The following RAB3C variants were observed in gnomAD, a reference collection of about 807,000 sequenced individuals.
The protein encoded by RAB3C is RAB3C, member RAS oncogene family.
In RAB3C, 17 loss-of-function variants were observed where a neutral mutation model predicts 26.4. The observed-to-expected ratio is 0.64, with a 90% confidence interval of 0.44 to 0.97. RAB3C has a LOEUF of 0.97. RAB3C is among the 50% of genes least tolerant of loss of function. The pLI is 0.00. For synonymous variants in RAB3C, 91 were observed against 95.9 expected (o/e 0.95, Z 0.30); for missense variants, 242 against 281.9 (o/e 0.86, Z 1.01).
chr5:58,599,085 G>T (rs901353137), intron 1 of RAB3C, among the ~76,000 whole-genome samples: 1 of 152,116 alleles, frequency 6.6e-6, no homozygotes, highest in Non-Finnish European at 1.5e-5. Flanking sequence ...ATGTTCATGA[G>T]TAGCAAAGGA....
intron 2 of RAB3C, among the ~76,000 whole-genome samples, chr5:58,641,233 C>T (rs1178529727): frequency 1.3e-5 from 2 of 152,102 alleles, no homozygotes; most frequent in Non-Finnish European, 2.9e-5. Context: ...CAATAGAATG[C>T]GTAGAGTCTC....
intron 2 of RAB3C, among the ~76,000 whole-genome samples, chr5:58,689,792 A>C (rs543485360): frequency 1.3e-5 from 2 of 152,256 alleles, no homozygotes; most frequent in South Asian, 4.1e-4. Context: ...ACTTCTCCTC[A>C]AAGCCCTGAG....
At chr5:58,621,092 C>T (rs1471209728) in intron 2 of RAB3C, among the ~76,000 whole-genome samples, 7 of 152,188 alleles carry the variant, frequency 4.6e-5, no homozygotes, top group Non-Finnish European at 1.0e-4. Flanking sequence ...CAGTGAACTG[C>T]TCTTCCCAAC....
intron 4 of RAB3C, among the ~76,000 whole-genome samples, chr5:58,843,222 A>G (rs1326050324): frequency 6.6e-6 from 1 of 152,230 alleles, no homozygotes; most frequent in Non-Finnish European, 1.5e-5. Context: ...TGATATCACA[A>G]TGAAATTTCA....
chr5:58,663,794 C>A (rs1253607701), intron 2 of RAB3C, among the ~76,000 whole-genome samples: 1 of 152,062 alleles, frequency 6.6e-6, no homozygotes, highest in African/African-American at 2.4e-5. Context: ...CGGCAAAAAG[C>A]TGAAAATGAT....
chr5:58,719,286 T>C (rs1202892809), intron 2 of RAB3C, among the ~76,000 whole-genome samples: 2 of 152,086 alleles, frequency 1.3e-5, no homozygotes, highest in African/African-American at 4.8e-5. Context: ...ACCAACTTTT[T>C]TGAAGAGTTT....
chr5:58,749,689 C>T (rs1741481090), intron 3 of RAB3C, among the ~76,000 whole-genome samples: 2 of 152,074 alleles, frequency 1.3e-5, no homozygotes, highest in South Asian at 4.1e-4. Flanking sequence ...AATGGTTTGT[C>T]ATATTAAAAT....
At chr5:58,786,577 T>A (rs995482896) in intron 3 of RAB3C, among the ~76,000 whole-genome samples, 3 of 152,086 alleles carry the variant, frequency 2.0e-5, no homozygotes, top group Non-Finnish European at 4.4e-5. Context: ...TCTGTGTATA[T>A]CTCTATGAAT....
intron 3 of RAB3C, among the ~76,000 whole-genome samples, chr5:58,731,701 T>G (rs992078690): frequency 1.2e-4 from 18 of 152,286 alleles, no homozygotes; most frequent in African/African-American, 4.3e-4. Flanking sequence ...TTATGAATAA[T>G]GCATCTCAGG....
At chr5:58,618,623 A>T (rs577014645) in intron 2 of RAB3C, among the ~76,000 whole-genome samples, 2 of 149,404 alleles carry the variant, frequency 1.3e-5, no homozygotes, top group Admixed American at 1.4e-4. Context: ...AGGAAAATCT[A>T]TGTGGATAGC....
intron 4 of RAB3C, among the ~76,000 whole-genome samples, chr5:58,847,490 T>C (rs114270277): frequency 2.6e-3 from 392 of 152,278 alleles, no homozygotes; most frequent in African/African-American, 9.1e-3. Flanking sequence ...TGAGAACTGA[T>C]CTCAAAATAC....
intron 1 of RAB3C, among the ~76,000 whole-genome samples, chr5:58,586,979 A>G (rs1199165308): frequency 6.6e-6 from 1 of 152,156 alleles, no homozygotes; most frequent in Non-Finnish European, 1.5e-5. Context: ...TCATCCCTCT[A>G]TCTTTCTGAG....
In RAB3C at chr5:58,678,289, C is replaced by T. The variant is rs192745561; in HGVS notation, c.253-47713C>T. ...AATGAAACTTATGTAGGTCCATGTT[C>T]GGTATTTGATAACACATAGATATGT... On this transcript the variant is annotated intron_variant, in intron 2 of 4. Coordinates refer to ENST00000282878, the MANE Select transcript of RAB3C (RefSeq NM_138453.4). 1.2e-4 allele frequency among the ~76,000 whole-genome samples: 19 copies of T among 152,028 alleles called. No individual in the cohort carries two copies. The East Asian group carries it at 2.1e-3, about 17-fold the overall frequency.
intron 4 of RAB3C, chr5:58,848,485 T>C (rs1198229877): frequency 6.6e-6 from 1 of 152,246 alleles, no homozygotes; most frequent in Non-Finnish European, 1.5e-5. Flanking sequence ...CTTTGCCATT[T>C]ACTAGCTGAG....
At position 58,635,318 on chromosome 5, in the gene RAB3C, G is replaced by C. The variant is rs1020572176; in HGVS notation, c.252+17448G>C. On this transcript the variant is annotated intron_variant, in intron 2 of 4. Transcript: ENST00000282878. ...TTGTCAAACATGGGAAGTTACATGG[G>C]GAGGTTGCTGTCCATTCTTAATGGG... Among the ~76,000 whole-genome samples, 3 of 152,188 alleles carry C rather than the reference G, an allele frequency of 2.0e-5. No homozygotes were observed. In the East Asian group the frequency reaches 5.8e-4, roughly 29 times the overall value.
At chr5:58,637,822 T>C (rs1480220666) in intron 2 of RAB3C, among the ~76,000 whole-genome samples, 1 of 152,166 alleles carries the variant, frequency 6.6e-6, no homozygotes, top group Non-Finnish European at 1.5e-5. Flanking sequence ...AGCTTTCCGA[T>C]TTTTCCCTAT....
In RAB3C at chr5:58,851,423, G is replaced by A. The variant is rs1744112874; in HGVS notation, c.*72G>A. On this transcript the variant is annotated 3_prime_UTR_variant, in exon 5 of 5. Coordinates refer to ENST00000282878, the MANE Select transcript of RAB3C (RefSeq NM_138453.4). ...AACAGCATTTGTAAATGGTCTATTA[G>A]CCTTCATTTATACTGCCTAACAATT... 3.2e-6 allele frequency: 4 copies of A among 1,241,628 alleles called. No individual in the cohort carries two copies. Among genetic ancestry groups the A allele is most frequent in the Non-Finnish European group, 3.4e-6 (3 of 894,106 alleles). 76.9% of individuals were successfully genotyped at this position (1,241,628 alleles called of 1,614,324 possible). A position where few individuals can be genotyped will look rare whatever the true frequency, so the allele number is the denominator to read the frequency against.
intron 3 of RAB3C, among the ~76,000 whole-genome samples, chr5:58,818,021 G>T (rs1441265414): frequency 1.3e-5 from 2 of 152,182 alleles, no homozygotes; most frequent in Non-Finnish European, 2.9e-5. Flanking sequence ...GAGCTTCGCT[G>T]GGTGAGGAAG....
rs1378750674 is a variant in RAB3C, at chr5:58,684,668, A to C, written c.253-41334A>C. On this transcript the variant is annotated intron_variant, in intron 2 of 4. Coordinates refer to ENST00000282878, the MANE Select transcript of RAB3C (RefSeq NM_138453.4). ...TTAGCAGCTCATATAGGAGGGGAGT[A>C]TTAATTAATGAAAGGGCAATGTCTG... Among the ~76,000 whole-genome samples the C allele has an allele frequency of 4.6e-5, 7 of 152,182 alleles. 1 individual carries two copies. Among genetic ancestry groups the C allele is most frequent in the Non-Finnish European group, 8.8e-5 (6 of 68,032 alleles).
Sources: allele counts gnomAD v4.1 joint callset (sites outside exome capture counted in the v4.1 genomes callset), GRCh38; gene constraint gnomAD v4.1.1; transcripts MANE v1.5; gene names NCBI Gene and HGNC (gene_info 2026-07-23, HGNC 2026-07-21).